The following PACS2 variants were observed in gnomAD, a reference collection of about 807,000 sequenced individuals.
PACS2 encodes phosphofurin acidic cluster sorting protein 2, also known as PACS1-like protein.
PACS2 carries 36 observed loss-of-function variants against 113.0 expected under a neutral mutation model. The ratio of observed to expected loss-of-function variants is 0.32; its 90% CI spans 0.24 to 0.42. The LOEUF is 0.42. Ranked by LOEUF, PACS2 falls within the 10% of genes least tolerant of loss-of-function variation. PACS2 has a pLI of 1.00. For synonymous variants in PACS2, 589 were observed against 536.1 expected (o/e 1.10, Z -1.36); for missense variants, 1,015 against 1,239.5 (o/e 0.82, Z 2.72).
intron 14 of PACS2, 76 bp downstream of exon 14, chr14:105,382,657 C>A: frequency 9.7e-7 from 1 of 1,029,858 alleles, no homozygotes. Flanking sequence ...CTGCCCCCTA[C>A]CCGGCACACC....
intron 1 of PACS2, among the ~76,000 whole-genome samples, chr14:105,331,388 C>T (rs587688284): frequency 2.4e-4 from 37 of 152,262 alleles, no homozygotes; most frequent in African/African-American, 8.2e-4. Flanking sequence ...ATTTCCTCCT[C>T]GGAAATTAAG....
intron 1 of PACS2, among the ~76,000 whole-genome samples, chr14:105,304,105 A>G (rs1441831847): frequency 6.6e-6 from 1 of 152,252 alleles, no homozygotes; most frequent in African/African-American, 2.4e-5. Flanking sequence ...CAGGACAGTC[A>G]GGCAGTACAG....
chr14:105,315,850 G>A lies in PACS2; in HGVS notation c.119+813G>A, dbSNP rs2058590091. 6.6e-6 allele frequency among the ~76,000 whole-genome samples: 1 copy of A among 152,268 alleles called. No individual in the cohort carries two copies. Among genetic ancestry groups the A allele is most frequent in the African/African-American group, 2.4e-5 (1 of 41,464 alleles). ...AAGGAGGAGAGAGACACGCTCTCCGGAAAAGTTCTGGTTCTAGAATAGACA... is the reference window on the plus strand; with the variant it reads ...AAGGAGGAGAGAGACACGCTCTCCGAAAAAGTTCTGGTTCTAGAATAGACA... On this transcript the variant is annotated intron_variant, in intron 1 of 24. Transcript: ENST00000447393. The surrounding 1 kb of genome is among the most constrained non-coding windows in gnomAD (Gnocchi z 4.4).
intron 9 of PACS2, among the ~76,000 whole-genome samples, chr14:105,377,964 G>A (rs923056351): frequency 6.6e-6 from 1 of 152,226 alleles, no homozygotes; most frequent in Non-Finnish European, 1.5e-5. Flanking sequence ...TGTGGCTGCG[G>A]GATGGGGGTC....
At position 105,355,283 on chromosome 14, in the gene PACS2, A is replaced by T; in HGVS notation, c.423+106A>T. On this transcript the variant is annotated intron_variant, in intron 4 of 24. Coordinates refer to ENST00000447393, the MANE Select transcript of PACS2 (RefSeq NM_001100913.3). This position sits in a 1 kb window ranked among gnomAD's most constrained non-coding sequence, Gnocchi z 4.1. Reference sequence around the variant, plus strand: ...CTCTCCCGGGTCCAGATGTCCAGGGATCAGGTGAAAATGATGAGAGGAGCC... The same window carrying T: ...CTCTCCCGGGTCCAGATGTCCAGGGTTCAGGTGAAAATGATGAGAGGAGCC... 1 of 1,347,672 alleles carries T rather than the reference A, an allele frequency of 7.4e-7. No individual in the cohort carries two copies. The highest frequency in any genetic ancestry group is 1.0e-6 in the Non-Finnish European group (1 of 997,900). 83.5% of individuals were successfully genotyped at this position (1,347,672 alleles called of 1,614,324 possible).
rs1491415868 is a variant in PACS2 at position 105,317,623 on chromosome 14, TTC to T, written c.119+2590_119+2591del. On this transcript the variant is annotated intron_variant, in intron 1 of 24. Transcript: ENST00000447393. The surrounding 1 kb of genome is among the most constrained non-coding windows in gnomAD (Gnocchi z 4.2). ...TTCCTGTTCCTTTGCCAGTTTTTTT[TTC>T]TCTTTTTTTCTGCTTGAGTTTCAGC... Among the ~76,000 whole-genome samples, 3 of 152,248 alleles carry T rather than the reference TTC, an allele frequency of 2.0e-5. No homozygotes were observed. The highest frequency in any genetic ancestry group is 7.2e-5 in the African/African-American group (3 of 41,460).
chr14:105,361,480 TACA>T (rs1163627635), intron 4 of PACS2, among the ~76,000 whole-genome samples: 1 of 151,616 alleles, frequency 6.6e-6, no homozygotes, highest in Non-Finnish European at 1.5e-5. Context: ...CTACTAAAAG[TACA>T]ACAATTAGCC....
In PACS2 at chr14:105,324,596, G is replaced by A. The variant is rs892829028; in HGVS notation, c.119+9559G>A. ...TTCTGCTCCGCAGGCGCGCGCCGAT[G>A]TGTGCTCAGCTCAGGCCGACTTAGC... On this transcript the variant is annotated intron_variant, in intron 1 of 24. Transcript: ENST00000447393. This position sits in a 1 kb window ranked among gnomAD's most constrained non-coding sequence, Gnocchi z 4.7. Among the ~76,000 whole-genome samples the A allele has an allele frequency of 1.3e-5, 2 of 152,230 alleles. No homozygotes were observed. Among genetic ancestry groups the A allele is most frequent in the Admixed American group, 6.5e-5 (1 of 15,294 alleles).
At chr14:105,389,510 G>A (rs1595180198) in intron 19 of PACS2, 1 of 187,944 alleles carries the variant, frequency 5.3e-6, no homozygotes, top group East Asian at 1.3e-4. Flanking sequence ...AGAGGGCCCA[G>A]GCTCTTCCTG....
rs2081493226 is a variant in PACS2, at chr14:105,394,966, C to T, written c.*294C>T. 6 of 374,108 alleles carry T rather than the reference C, an allele frequency of 1.6e-5. No individual in the cohort carries two copies. The highest frequency in any genetic ancestry group is 1.3e-4 in the South Asian group (5 of 39,094). The allele number at this position is 374,108 out of a possible 1,614,324, so 23.2% of individuals were successfully genotyped here. A position where few individuals can be genotyped will look rare whatever the true frequency, so the allele number is the denominator to read the frequency against. ...GCCTCAGGAGCCACCCAGAGCCTCA[C>T]AGGCTGAGTTCTTGCCTCTGTGTCC... On this transcript the variant is annotated 3_prime_UTR_variant, in exon 25 of 25. Coordinates refer to ENST00000447393, the MANE Select transcript of PACS2 (RefSeq NM_001100913.3).
intron 7 of PACS2, 85 bp downstream of exon 7, chr14:105,368,624 C>T (rs1294105852): frequency 3.9e-6 from 4 of 1,029,866 alleles, no homozygotes; most frequent in East Asian, 2.4e-5. Context: ...GGGACACGGG[C>T]GTGGGAAGTG....
intron 9 of PACS2, among the ~76,000 whole-genome samples, chr14:105,379,031 G>C (rs2080885731): frequency 6.6e-6 from 1 of 151,698 alleles, no homozygotes; most frequent in Non-Finnish European, 1.5e-5. Flanking sequence ...GATAGGCCTG[G>C]ATGGTCGGGA....
chr14:105,368,951 G>A (rs901115824), intron 7 of PACS2, among the ~76,000 whole-genome samples: 31 of 152,260 alleles, frequency 2.0e-4, no homozygotes, highest in Admixed American at 2.0e-3. Flanking sequence ...TGGCAGGGCT[G>A]TTCAGCATTT....
In PACS2 at chr14:105,368,074, A is replaced by G. The variant is rs782222051; in HGVS notation, c.587A>G (p.Asp196Gly). 2 of 1,603,260 alleles carry G rather than the reference A, an allele frequency of 1.2e-6. No individual in the cohort carries two copies. The highest frequency in any genetic ancestry group is 1.3e-5 in the African/African-American group (1 of 74,716). The change falls in exon 6 of 25, where the codon GAT becomes GGT. Residue 196 changes from aspartate to glycine, a missense_variant and splice_region_variant. Asp to Gly is a moderately conservative substitution (Grantham distance 94). This residue lies in a region of PACS2 where 859 missense variants were observed against 1,056.8 expected (regional missense o/e 0.81). Coordinates refer to ENST00000447393, the MANE Select transcript of PACS2 (RefSeq NM_001100913.3). ...MQAGPKAKST[D>G]NYSEEEYESF... The stretch of plus-strand genomic sequence containing the variant: ...TCCCTTCTGTCTGTTCATTCCGCAG[A>G]TAACTACTCCGAGGAGGAGTATGAG...
rs1247605432 is a variant in PACS2 at position 105,324,115 on chromosome 14, G to C, written c.119+9078G>C. Among the ~76,000 whole-genome samples, 1 of 152,210 alleles carries C rather than the reference G, an allele frequency of 6.6e-6. No homozygotes were observed. Among genetic ancestry groups the C allele is most frequent in the African/African-American group, 2.4e-5 (1 of 41,444 alleles). ...TAAAGGATGCTTTCCTTGGATCTGGGCACTAGAACCAGCCCTTTCCCTCTC... is the reference window on the plus strand; with the variant it reads ...TAAAGGATGCTTTCCTTGGATCTGGCCACTAGAACCAGCCCTTTCCCTCTC... On this transcript the variant is annotated intron_variant, in intron 1 of 24. Coordinates refer to ENST00000447393, the MANE Select transcript of PACS2 (RefSeq NM_001100913.3). The surrounding 1 kb of genome is among the most constrained non-coding windows in gnomAD (Gnocchi z 4.7).
chr14:105,385,448 G>C (rs931376371), intron 18 of PACS2, among the ~76,000 whole-genome samples: 1 of 152,144 alleles, frequency 6.6e-6, no homozygotes, highest in Admixed American at 6.5e-5. Context: ...AAAGTCCTGC[G>C]GAGACCTGTC....
In PACS2 at chr14:105,302,157, AAG is replaced by A. The variant is rs1453744582; in HGVS notation, c.-83+1182_-83+1183del. Among the ~76,000 whole-genome samples the A allele has an allele frequency of 9.9e-5, 15 of 151,252 alleles. 1 individual carries two copies. Among genetic ancestry groups the A allele is most frequent in the Non-Finnish European group, 8.8e-5 (6 of 67,806 alleles). On this transcript the variant is annotated intron_variant, in intron 1 of 23. Coordinates refer to the PACS2 transcript ENST00000430725. ...GTGAAACTCTGTCTCAAAAAAAAAA[AAG>A]AGAAAAAAGGAAATGCGGAAGACCC... is the stretch of plus-strand genomic sequence containing the variant.
chr14:105,392,923 G>T, intron 23 of PACS2, 78 bp downstream of exon 23: 1 of 1,193,838 alleles, frequency 8.4e-7, no homozygotes, highest in Non-Finnish European at 1.2e-6. Flanking sequence ...AGTCAACAGG[G>T]ATGACAGCCC....
chr14:105,315,183 G>C lies in PACS2; in HGVS notation c.119+146G>C, dbSNP rs906016463. ...GCCCCCGCCCGCCGGTTCGACGCGT[G>C]CAGCCGCCGCCCCCCCGCAGCTCCG... On this transcript the variant is annotated intron_variant, in intron 1 of 24. Coordinates refer to ENST00000447393, the MANE Select transcript of PACS2 (RefSeq NM_001100913.3). This position sits in a 1 kb window ranked among gnomAD's most constrained non-coding sequence, Gnocchi z 4.4. 3.1e-5 allele frequency: 10 copies of C among 320,818 alleles called. No homozygotes were observed. Among genetic ancestry groups the C allele is most frequent in the African/African-American group, 2.0e-4 (9 of 44,870 alleles). The allele number at this position is 320,818 out of a possible 1,614,324, so 19.9% of individuals were successfully genotyped here.
Sources: allele counts gnomAD v4.1 joint callset (sites outside exome capture counted in the v4.1 genomes callset), GRCh38; gene constraint gnomAD v4.1.1; regional missense constraint gnomAD v4.1.1; non-coding constraint Gnocchi (gnomAD v3.1); transcripts MANE v1.5; gene names NCBI Gene and HGNC (gene_info 2026-07-23, HGNC 2026-07-21).